SDK2: variants seen among roughly 807,000 people sequenced by gnomAD.
SDK2 encodes the protein sidekick cell adhesion molecule 2, also known as protein sidekick-2.
In SDK2, 105 loss-of-function variants were observed where a neutral mutation model predicts 253.9. The observed-to-expected ratio is 0.41, with a 90% CI of 0.35 to 0.49. The LOEUF (loss-of-function observed/expected upper bound fraction) is 0.49. Among genes scored for constraint, SDK2 ranks in the 20% least tolerant of loss-of-function variants. The pLI, the probability that SDK2 is intolerant of heterozygous loss-of-function variation, is 0.06. For missense variants in SDK2, 2,608 were observed against 3,003.0 expected (o/e 0.87, Z 3.07); for synonymous variants, 1,249 against 1,234.9 (o/e 1.01, Z -0.24).
intron 3 of SDK2, among the ~76,000 whole-genome samples, chr17:73,463,966 T>C (rs1318795042): frequency 1.3e-5 from 2 of 152,244 alleles, no homozygotes; most frequent in African/African-American, 4.8e-5. Context: ...ATTTACCAAC[T>C]TGACGCCAGC....
At chr17:73,340,480 C>A (rs868350599) in intron 44 of SDK2, among the ~76,000 whole-genome samples, 3 of 152,130 alleles carry the variant, frequency 2.0e-5, no homozygotes, top group Non-Finnish European at 2.9e-5. Flanking sequence ...TTGTGTCTGG[C>A]TTCTCTGACA....
intron 44 of SDK2, among the ~76,000 whole-genome samples, chr17:73,343,704 G>A (rs1249068011): frequency 6.6e-6 from 1 of 152,202 alleles, no homozygotes; most frequent in Non-Finnish European, 1.5e-5. Context: ...GCCAGAAGGA[G>A]GCAGGACCCC....
intron 1 of SDK2, among the ~76,000 whole-genome samples, chr17:73,589,312 A>G (rs143718919): frequency 0.016 from 2,491 of 152,380 alleles, 35 homozygotes; most frequent in Non-Finnish European, 0.022. Flanking sequence ...AGTCCCTCCC[A>G]AGGTGCAGAG....
intron 1 of SDK2, among the ~76,000 whole-genome samples, chr17:73,605,674 G>T (rs951809482): frequency 6.6e-6 from 1 of 152,138 alleles, no homozygotes; most frequent in East Asian, 1.9e-4. Flanking sequence ...CTCCAAATTC[G>T]GGCAATACCC....
intron 1 of SDK2, among the ~76,000 whole-genome samples, chr17:73,582,981 C>T (rs970862433): frequency 2.6e-5 from 4 of 152,172 alleles, no homozygotes; most frequent in African/African-American, 9.7e-5. Flanking sequence ...CCTGCCTGCC[C>T]CAGGGCCTTT....
In SDK2 at chr17:73,387,930, A is replaced by G; in HGVS notation, c.4300T>C (p.Tyr1434His). 1 of 1,586,838 alleles carries G rather than the reference A, an allele frequency of 6.3e-7. No homozygotes were observed. The highest frequency in any genetic ancestry group is 8.6e-7 in the Non-Finnish European group (1 of 1,167,358). The change falls in exon 30 of 45, where the codon TAC becomes CAC. Residue 1434 changes from tyrosine (Y) to histidine (H), a missense_variant. This residue lies in a region of SDK2 where 1,103 missense variants were observed against 1,143.9 expected (regional missense o/e 0.96). Transcript: ENST00000392650. ...AGCTCGCGGGTCTGGATGGTGTAGT[A>G]GCGCACAGGGGAGAGCCCGTCGCTC... is the stretch of plus-strand genomic sequence containing the variant. Reference protein sequence around the residue: ...PGSDGLSPVRYYTIQTRELPS... With the variant: ...PGSDGLSPVRHYTIQTRELPS...
intron 1 of SDK2, among the ~76,000 whole-genome samples, chr17:73,613,505 C>G (rs1211455698): frequency 2.0e-5 from 3 of 152,276 alleles, no homozygotes; most frequent in Non-Finnish European, 4.4e-5. Context: ...GTTCTAATCC[C>G]ATTTCATCCG....
chr17:73,336,879 G>A lies in SDK2; in HGVS notation c.*1708C>T, dbSNP rs1180596870. 1 of 151,304 alleles carries A rather than the reference G, an allele frequency of 6.6e-6. No homozygotes were observed. Among genetic ancestry groups the A allele is most frequent in the Non-Finnish European group, 1.5e-5 (1 of 67,498 alleles). The allele number at this position is 151,304 out of a possible 1,614,324, so 9.4% of individuals were successfully genotyped here. On this transcript the variant is annotated 3_prime_UTR_variant, in exon 45 of 45. Coordinates refer to ENST00000392650, the MANE Select transcript of SDK2 (RefSeq NM_001144952.2). ...CATCTCAGCGGTGGGGCAGGTGTTGGGCTGGCCTTACAGGGCTGGCTGAGG... is the reference window on the plus strand; with the variant it reads ...CATCTCAGCGGTGGGGCAGGTGTTGAGCTGGCCTTACAGGGCTGGCTGAGG...
rs1415232210 is a variant in SDK2 at position 73,541,814 on chromosome 17, A to T, written c.65-34217T>A. ...CAGAATCCGGCTACGGAAAATTCAA[A>T]ATGTATTTAGAGCCGAGTGGAAGAT... On this transcript the variant is annotated intron_variant, in intron 1 of 44. Transcript: ENST00000392650. The surrounding 1 kb of genome is among the most constrained non-coding windows in gnomAD (Gnocchi z 4.3). Among the ~76,000 whole-genome samples, 2 of 152,168 alleles carry T rather than the reference A, an allele frequency of 1.3e-5. No individual in the cohort carries two copies. Among genetic ancestry groups the T allele is most frequent in the African/African-American group, 2.4e-5 (1 of 41,424 alleles).
intron 1 of SDK2, among the ~76,000 whole-genome samples, chr17:73,551,236 C>T (rs1306664683): frequency 6.6e-6 from 1 of 152,206 alleles, no homozygotes; most frequent in Non-Finnish European, 1.5e-5. Flanking sequence ...TCCCCATCAG[C>T]TTCTGGTGCC....
rs1311450668 is a variant in SDK2, at chr17:73,405,476, AT to A, written c.2485-3336del. Among the ~76,000 whole-genome samples, 30 of 34,640 alleles carry A rather than the reference AT, an allele frequency of 8.7e-4. 3 individuals are homozygous for A. The highest frequency in any genetic ancestry group is 5.7e-3 in the Admixed American group (23 of 4,050). The allele number at this position is 34,640 out of a possible 152,430, so 22.7% of individuals were successfully genotyped here. On this transcript the variant is annotated intron_variant, in intron 18 of 44. Coordinates refer to ENST00000392650, the MANE Select transcript of SDK2 (RefSeq NM_001144952.2). ...AAAACAAACAAAAAACCATATATAT[AT>A]ATATATATATATATATATATATATA... is the stretch of plus-strand genomic sequence containing the variant.
In SDK2 at chr17:73,469,990, G is replaced by GCACACA. The variant is rs1555585147; in HGVS notation, c.331+2121_331+2122insTGTGTG. Among the ~76,000 whole-genome samples, 515 of 105,598 alleles carry GCACACA rather than the reference G, an allele frequency of 4.9e-3. 4 individuals are homozygous for GCACACA. The highest frequency in any genetic ancestry group is 0.013 in the East Asian group (44 of 3,300). 69.3% of individuals were successfully genotyped at this position (105,598 alleles called of 152,430 possible). A position where few individuals can be genotyped will look rare whatever the true frequency, so the allele number is the denominator to read the frequency against. On this transcript the variant is annotated intron_variant, in intron 3 of 44. Transcript: ENST00000392650. ...GAATGGCATTTGCGACTGCGCGCGC[G>GCACACA]CGCACACACACACACACACACACAC...
intron 18 of SDK2, among the ~76,000 whole-genome samples, chr17:73,405,668 C>G (rs1035533625): frequency 2.0e-5 from 3 of 150,544 alleles, no homozygotes; most frequent in African/African-American, 7.3e-5. Context: ...GCTCAAGTAC[C>G]TGATATAAAA....
At chr17:73,546,156 C>A (rs1376884759) in intron 1 of SDK2, among the ~76,000 whole-genome samples, 2 of 152,170 alleles carry the variant, frequency 1.3e-5, no homozygotes, top group Non-Finnish European at 1.5e-5. Flanking sequence ...TGGACCCACC[C>A]CAGCTGCCCC....
At chr17:73,539,817 G>A (rs75114391) in intron 1 of SDK2, among the ~76,000 whole-genome samples, 2 of 21,302 alleles carry the variant, frequency 9.4e-5, no homozygotes, top group South Asian at 1.7e-3. Flanking sequence ...AGAGACACAC[G>A]GGGGGAATGC....
At chr17:73,412,129 T>TAC (rs2063142355) in intron 18 of SDK2, among the ~76,000 whole-genome samples, 1 of 28,808 alleles carries the variant, frequency 3.5e-5, no homozygotes, top group Non-Finnish European at 7.6e-5. Context: ...TACGTATATA[T>TAC]GTGTATGTGT....
intron 1 of SDK2, among the ~76,000 whole-genome samples, chr17:73,591,116 C>T (rs1035925469): frequency 2.6e-5 from 4 of 152,150 alleles, no homozygotes; most frequent in African/African-American, 4.8e-5. Context: ...GACAGGGTTT[C>T]GCCATGTTGG....
chr17:73,581,982 A>G (rs2145883515), intron 1 of SDK2, among the ~76,000 whole-genome samples: 1 of 152,150 alleles, frequency 6.6e-6, no homozygotes, highest in East Asian at 1.9e-4. Flanking sequence ...GCATCTTTCT[A>G]CCTCACCCAG....
intron 17 of SDK2, 53 bp from the exon 18 acceptor site, chr17:73,414,812 T>C: frequency 8.5e-7 from 1 of 1,177,656 alleles, no homozygotes. Flanking sequence ...TCAGTCTCTC[T>C]TGCCCAGTTC....
Sources: allele counts gnomAD v4.1 joint callset (sites outside exome capture counted in the v4.1 genomes callset), GRCh38; gene constraint gnomAD v4.1.1; regional missense constraint gnomAD v4.1.1; non-coding constraint Gnocchi (gnomAD v3.1); transcripts MANE v1.5; gene names NCBI Gene and HGNC (gene_info 2026-07-23, HGNC 2026-07-21).